The following ZNF66 variants were observed in gnomAD, a reference collection of about 807,000 sequenced individuals.
ZNF66 encodes zinc finger protein 66.
Under a neutral mutation model 35.2 loss-of-function variants are expected in ZNF66, and 32 were observed. That is an observed-to-expected ratio of 0.91 (90% CI 0.69 to 1.22). ZNF66 has a LOEUF of 1.22. Among genes scored for constraint, ZNF66 ranks in the 50% most tolerant of loss-of-function variants. ZNF66 has a pLI of 0.00. For missense variants in ZNF66, 666 were observed against 543.1 expected, an observed-to-expected ratio of 1.23 and a Z score of -2.25; for synonymous variants, 231 against 181.3, an observed-to-expected ratio of 1.27 and a Z score of -2.20.
chr19:20,787,447 A>G (rs1243336296), intron 1 of ZNF66, among the ~76,000 whole-genome samples: 2 of 152,214 alleles, frequency 1.3e-5, no homozygotes, highest in Non-Finnish European at 2.9e-5. Flanking sequence ...GATCCTACCT[A>G]GAATCTGCAA....
At chr19:20,783,639 TA>T (rs1971263161) in intron 1 of ZNF66, among the ~76,000 whole-genome samples, 1 of 152,216 alleles carries the variant, frequency 6.6e-6, no homozygotes, top group Non-Finnish European at 1.5e-5. Flanking sequence ...TGATAAAGAC[TA>T]AAAGATACTA....
chr19:20,803,305 TTC>T (rs1312193961), intron 3 of ZNF66, among the ~76,000 whole-genome samples: 1 of 104,648 alleles, frequency 9.6e-6, no homozygotes, highest in African/African-American at 3.2e-5. Flanking sequence ...CATTTTCTCT[TTC>T]TGTCTTTTTT....
At position 20,806,019 on chromosome 19, in the gene ZNF66, C is replaced by T. The variant is rs1484110910; in HGVS notation, c.419C>T (p.Thr140Ile). ...YNGLNQCLTT[T>I]QSKMFQCDKH... ...GGACTTAACCAATGTTTGACAACTA[C>T]CCAAAGCAAAATGTTTCAATGTGAT... Residue 140 changes from threonine (T) to isoleucine (I), a missense_variant, in exon 4 of 4, where the codon ACC (threonine) becomes ATC (isoleucine). Thr to Ile is a moderately conservative substitution (Grantham distance 89). Transcript: ENST00000344519. The T allele has an allele frequency of 2.4e-6, 2 of 820,788 alleles. No individual in the cohort carries two copies. Among genetic ancestry groups the T allele is most frequent in the Admixed American group, 1.9e-5 (1 of 51,320 alleles). The allele number at this position is 820,788 out of a possible 1,614,324, so 50.8% of individuals were successfully genotyped here.
intron 3 of ZNF66, among the ~76,000 whole-genome samples, chr19:20,795,346 C>T (rs1187185438): frequency 6.6e-6 from 1 of 151,372 alleles, no homozygotes; most frequent in African/African-American, 2.4e-5. Context: ...CCTTAGGGAA[C>T]TGTGTGGGTT....
rs1398498146 is a variant in ZNF66, at chr19:20,781,934, CTTTTA to C, written c.3+5496_3+5500del. Among the ~76,000 whole-genome samples the C allele has an allele frequency of 2.6e-5, 4 of 151,766 alleles. No individual in the cohort carries two copies. In the East Asian group the frequency reaches 5.8e-4, roughly 22 times the overall value. On this transcript the variant is annotated intron_variant, in intron 1 of 3. Coordinates refer to ENST00000344519, the MANE Select transcript of ZNF66 (RefSeq NM_001355197.2). ...GTACCATATTTTGTTTTGACTAAATCTTTTATTTTATTTTATAGTTGGAGACAGAG... is the reference window on the plus strand; with the variant it reads ...GTACCATATTTTGTTTTGACTAAATCTTTTATTTTATAGTTGGAGACAGAG...
At chr19:20,782,782 G>A (rs865955183) in intron 1 of ZNF66, among the ~76,000 whole-genome samples, 3 of 151,844 alleles carry the variant, frequency 2.0e-5, no homozygotes, top group African/African-American at 7.3e-5. Flanking sequence ...TTTGTCAGAG[G>A]CAAAGTTTGC....
At chr19:20,784,451 T>C (rs1178840195) in intron 1 of ZNF66, 2 of 152,212 alleles carry the variant, frequency 1.3e-5, no homozygotes, top group Admixed American at 1.3e-4. Flanking sequence ...GTATCTTTTA[T>C]TTCACTAAAT....
At chr19:20,779,965 G>T (rs10414866) in intron 1 of ZNF66, among the ~76,000 whole-genome samples, 2 of 150,134 alleles carry the variant, frequency 1.3e-5, no homozygotes, top group Admixed American at 1.3e-4. Context: ...ACAAAAATTC[G>T]CCAGGTGTGG....
At chr19:20,779,056 T>C (rs1052095071) in intron 1 of ZNF66, among the ~76,000 whole-genome samples, 1 of 152,132 alleles carries the variant, frequency 6.6e-6, no homozygotes, top group Non-Finnish European at 1.5e-5. Flanking sequence ...GCCTTTATCC[T>C]GAGAGAAGCT....
At chr19:20,779,664 A>G (rs550563290) in intron 1 of ZNF66, among the ~76,000 whole-genome samples, 19 of 151,874 alleles carry the variant, frequency 1.3e-4, no homozygotes, top group Non-Finnish European at 2.4e-4. Flanking sequence ...TCCTGTCTCT[A>G]CTAAAAATAC....
chr19:20,781,323 G>A (rs1971243196), intron 1 of ZNF66, among the ~76,000 whole-genome samples: 1 of 152,024 alleles, frequency 6.6e-6, no homozygotes, highest in African/African-American at 2.4e-5. Context: ...AGATTATTTT[G>A]TTAACTTACG....
intron 3 of ZNF66, among the ~76,000 whole-genome samples, chr19:20,804,298 G>T (rs187724895): frequency 6.6e-6 from 1 of 151,640 alleles, no homozygotes; most frequent in East Asian, 1.9e-4. Flanking sequence ...ACCTCAACTG[G>T]AGTGCAGTGG....
chr19:20,794,113 T>A, intron 3 of ZNF66: 1 of 569,342 alleles, frequency 1.8e-6, no homozygotes, highest in Non-Finnish European at 3.2e-6. Flanking sequence ...TCAGTGAGCT[T>A]CCTTCACATT....
In ZNF66 at chr19:20,806,262, T is replaced by C; in HGVS notation, c.662T>C (p.Ile221Thr). The C allele has an allele frequency of 6.9e-7, 1 of 1,455,148 alleles. No homozygotes were observed. Among genetic ancestry groups the C allele is most frequent in the African/African-American group, 1.4e-5 (1 of 70,974 alleles). The allele number at this position is 1,455,148 out of a possible 1,614,324, so 90.1% of individuals were successfully genotyped here. The change falls in exon 4 of 4, where the codon ATA becomes ACA. Residue 221 changes from isoleucine to threonine, a missense_variant. Coordinates refer to ENST00000344519, the MANE Select transcript of ZNF66 (RefSeq NM_001355197.2). ...TCCTCACACCTTACTACACATAAGA[T>C]AATTCATACTGGAGAGAAACGGTAC... is the stretch of plus-strand genomic sequence containing the variant. Reference protein sequence around the residue: ...NRSSHLTTHKIIHTGEKRYKC... With the variant: ...NRSSHLTTHKTIHTGEKRYKC...
intron 1 of ZNF66, among the ~76,000 whole-genome samples, chr19:20,779,348 G>T (rs1157671520): frequency 1.3e-5 from 2 of 152,124 alleles, no homozygotes; most frequent in Admixed American, 6.6e-5. Flanking sequence ...AAGAAAGGAG[G>T]TGGGAGGTGA....
chr19:20,788,173 T>G (rs10410391), intron 1 of ZNF66, among the ~76,000 whole-genome samples: 1 of 152,078 alleles, frequency 6.6e-6, no homozygotes, highest in Non-Finnish European at 1.5e-5. Context: ...ATCTGGAGAC[T>G]CAAACAGATA....
At chr19:20,793,988 TC>T (rs1339683087) in intron 3 of ZNF66, 110 bp downstream of exon 3, 1 of 556,888 alleles carries the variant, frequency 1.8e-6, no homozygotes. Flanking sequence ...CAAAGGAACT[TC>T]TGGGCAGCTG....
intron 3 of ZNF66, among the ~76,000 whole-genome samples, chr19:20,795,391 G>A (rs934266273): frequency 4.7e-5 from 7 of 149,968 alleles, no homozygotes; most frequent in Non-Finnish European, 8.9e-5. Flanking sequence ...TTTTGAGATG[G>A]AGTTTTGCTC....
At chr19:20,796,796 A>G (rs1286373310) in intron 3 of ZNF66, among the ~76,000 whole-genome samples, 1 of 152,234 alleles carries the variant, frequency 6.6e-6, no homozygotes, top group Non-Finnish European at 1.5e-5. Context: ...CAATGATTCA[A>G]AATACCTGCA....
Sources: allele counts gnomAD v4.1 joint callset (sites outside exome capture counted in the v4.1 genomes callset), GRCh38; gene constraint gnomAD v4.1.1; transcripts MANE v1.5; gene names NCBI Gene and HGNC (gene_info 2026-07-23, HGNC 2026-07-21).